Variants in CAMK1D observed in about 807,000 individuals in gnomAD.
CAMK1D encodes calcium/calmodulin-dependent protein kinase type 1D.
CAMK1D carries 9 observed loss-of-function variants against 47.7 expected under a neutral mutation model. The ratio of observed to expected loss-of-function variants is 0.19; its 90% CI spans 0.11 to 0.33. CAMK1D has a LOEUF of 0.33. Among genes scored for constraint, CAMK1D ranks in the 10% least tolerant of loss-of-function variants. CAMK1D has a pLI of 1.00. For missense variants in CAMK1D, 291 were observed against 488.7 expected, an observed-to-expected ratio of 0.60 and a Z score of 3.81; for synonymous variants, 184 against 184.9, an observed-to-expected ratio of 0.99 and a Z score of 0.04.
chr10:12,706,999 G>A (rs113132870), intron 3 of CAMK1D, among the ~76,000 whole-genome samples: 2,206 of 152,142 alleles, frequency 0.014, 42 homozygotes, highest in African/African-American at 0.05. Context: ...CAAACTGTGC[G>A]GTTTGGGAAG....
intron 3 of CAMK1D, among the ~76,000 whole-genome samples, chr10:12,684,504 A>G (rs1832576410): frequency 6.6e-6 from 1 of 152,172 alleles, no homozygotes; most frequent in Non-Finnish European, 1.5e-5. Flanking sequence ...TTAAAAAAAA[A>G]TGTATTCCTC....
intron 8 of CAMK1D, among the ~76,000 whole-genome samples, chr10:12,817,371 A>G (rs1024388857): frequency 6.6e-6 from 1 of 152,162 alleles, no homozygotes; most frequent in Non-Finnish European, 1.5e-5. Context: ...TTTTCCTTTT[A>G]AGATGCTTTT....
chr10:12,617,414 A>G (rs1838857393), intron 2 of CAMK1D, among the ~76,000 whole-genome samples: 2 of 152,198 alleles, frequency 1.3e-5, no homozygotes, highest in South Asian at 4.1e-4. Flanking sequence ...ATCCCCATTC[A>G]TCTCTTCTTG....
At chr10:12,757,329 A>G (rs942084432) in intron 3 of CAMK1D, among the ~76,000 whole-genome samples, 1 of 152,000 alleles carries the variant, frequency 6.6e-6, no homozygotes, top group African/African-American at 2.4e-5. Context: ...CTTTTCCCCA[A>G]TCACTTGACC....
intron 1 of CAMK1D, among the ~76,000 whole-genome samples, chr10:12,518,479 TA>T (rs199981757): frequency 0.035 from 3,509 of 101,582 alleles, 993 homozygotes; most frequent in African/African-American, 0.086. Context: ...ATTCTTTTTT[TA>T]TTTTTTATTT....
chr10:12,805,340 A>G (rs964196520), intron 6 of CAMK1D, among the ~76,000 whole-genome samples: 1 of 150,502 alleles, frequency 6.6e-6, no homozygotes, highest in Non-Finnish European at 1.5e-5. Flanking sequence ...TATAATCATG[A>G]TAATAAGCCA....
intron 1 of CAMK1D, among the ~76,000 whole-genome samples, chr10:12,357,070 C>T (rs1313237409): frequency 6.6e-6 from 1 of 152,170 alleles, no homozygotes; most frequent in Non-Finnish European, 1.5e-5. Flanking sequence ...TGCTTCTCCT[C>T]CTCTCTCCTC....
At chr10:12,449,348 T>A (rs4750216) in intron 1 of CAMK1D, among the ~76,000 whole-genome samples, 15 of 151,812 alleles carry the variant, frequency 9.9e-5, no homozygotes, top group Non-Finnish European at 1.5e-5. Context: ...GAGTATAGCA[T>A]GTTGAAAACA....
chr10:12,818,441 C>G (rs1029944209), intron 8 of CAMK1D, among the ~76,000 whole-genome samples: 3 of 152,094 alleles, frequency 2.0e-5, no homozygotes, highest in Admixed American at 6.6e-5. Flanking sequence ...GAGGCCAAGG[C>G]GGGTAGGTCA....
At chr10:12,671,171 G>A (rs11257935) in intron 3 of CAMK1D, among the ~76,000 whole-genome samples, 1,952 of 152,062 alleles carry the variant, frequency 0.013, 40 homozygotes, top group South Asian at 0.11. Context: ...TTATTATCTG[G>A]ATATATCACA....
chr10:12,353,125 T>A (rs2131829741), intron 1 of CAMK1D, among the ~76,000 whole-genome samples: 1 of 152,296 alleles, frequency 6.6e-6, no homozygotes, highest in East Asian at 1.9e-4. Flanking sequence ...CGAGTCTTAA[T>A]GTGGAGTTGA....
intron 1 of CAMK1D, among the ~76,000 whole-genome samples, chr10:12,436,911 T>C (rs2132002489): frequency 6.6e-6 from 1 of 152,228 alleles, no homozygotes; most frequent in Middle Eastern, 3.4e-3. Context: ...TGGCTAAGAT[T>C]TATCACAGCG....
intron 1 of CAMK1D, among the ~76,000 whole-genome samples, chr10:12,413,574 G>GGT (rs1839744402): frequency 4.9e-3 from 5 of 1,018 alleles, no homozygotes; most frequent in African/African-American, 0.016. Context: ...ATGACATTGG[G>GGT]GATGATGATA....
chr10:12,804,788 A>G (rs1448173401), intron 6 of CAMK1D, among the ~76,000 whole-genome samples: 1 of 149,654 alleles, frequency 6.7e-6, no homozygotes, highest in Non-Finnish European at 1.5e-5. Flanking sequence ...AAAAAAAAAA[A>G]TTAGCCCAGT....
chr10:12,352,380 C>T (rs529052848), intron 1 of CAMK1D, among the ~76,000 whole-genome samples: 13 of 152,212 alleles, frequency 8.5e-5, no homozygotes, highest in South Asian at 2.1e-4. Context: ...GAGGCTGAGG[C>T]GAGCTGATCA....
intron 1 of CAMK1D, among the ~76,000 whole-genome samples, chr10:12,485,723 A>C (rs866181959): frequency 6.6e-6 from 1 of 152,372 alleles, no homozygotes. Flanking sequence ...CATGAGTTCA[A>C]ACAGGGTCAC....
chr10:12,745,154 C>T (rs890576491), intron 3 of CAMK1D, among the ~76,000 whole-genome samples: 1 of 152,212 alleles, frequency 6.6e-6, no homozygotes, highest in African/African-American at 2.4e-5. Flanking sequence ...CCTCAGCCTC[C>T]CGAGTAGCTG....
chr10:12,742,101 T>C (rs1835459500), intron 3 of CAMK1D, among the ~76,000 whole-genome samples: 2 of 152,188 alleles, frequency 1.3e-5, no homozygotes, highest in African/African-American at 4.8e-5. Flanking sequence ...CTACGCCCAC[T>C]GCTTCCCTTT....
At chr10:12,606,098 C>T (rs756684245) in intron 2 of CAMK1D, among the ~76,000 whole-genome samples, 2 of 152,250 alleles carry the variant, frequency 1.3e-5, no homozygotes, top group Admixed American at 6.5e-5. Context: ...TTCACAGCCA[C>T]GCCGCTTGGA....
Sources: allele counts gnomAD v4.1 joint callset (sites outside exome capture counted in the v4.1 genomes callset), GRCh38; gene constraint gnomAD v4.1.1; transcripts MANE v1.5; gene names NCBI Gene and HGNC (gene_info 2026-07-23, HGNC 2026-07-21).